MAML2: variants seen among roughly 807,000 people sequenced by gnomAD.
MAML2 encodes mastermind-like protein 2.
In MAML2, 22 loss-of-function variants were observed where a neutral mutation model predicts 96.1. The observed-to-expected ratio is 0.23, with a 90% CI of 0.16 to 0.33. The LOEUF (loss-of-function observed/expected upper bound fraction) is 0.33, where lower values mean the gene tolerates loss of function less well. Among genes scored for constraint, MAML2 ranks in the 10% least tolerant of loss-of-function variants. The pLI is 1.00. For missense variants in MAML2, 1,367 were observed against 1,392.4 expected, an observed-to-expected ratio of 0.98 and a Z score of 0.29; for synonymous variants, 561 against 521.3, an observed-to-expected ratio of 1.08 and a Z score of -1.04.
At chr11:96,151,082 C>T (rs542693384) in intron 1 of MAML2, among the ~76,000 whole-genome samples, 2 of 152,154 alleles carry the variant, frequency 1.3e-5, no homozygotes, top group South Asian at 4.1e-4. Context: ...AACACAAAAC[C>T]TTCTGTTGCT....
intron 2 of MAML2, among the ~76,000 whole-genome samples, chr11:95,997,448 G>A (rs2135714633): frequency 6.6e-6 from 1 of 152,240 alleles, no homozygotes; most frequent in East Asian, 1.9e-4. Context: ...ATGAAAACAT[G>A]TTTGTATTCT....
Position 96,192,942 on chromosome 11 carries a change from C to T in MAML2, c.514-99425G>A, listed in dbSNP as rs1010444816. Among the ~76,000 whole-genome samples, 3 of 152,274 alleles carry T rather than the reference C, an allele frequency of 2.0e-5. 1 individual carries two copies. Among genetic ancestry groups the T allele is most frequent in the East Asian group, 3.9e-4 (2 of 5,186 alleles). ...TTTTAAAATCAAAATTCTGGTGGAGCGTATGCCTTAAAATAATTTATTAGA... is the reference window on the plus strand; with the variant it reads ...TTTTAAAATCAAAATTCTGGTGGAGTGTATGCCTTAAAATAATTTATTAGA... On this transcript the variant is annotated intron_variant, in intron 1 of 4. Coordinates refer to ENST00000524717, the MANE Select transcript of MAML2 (RefSeq NM_032427.4).
At chr11:96,148,290 T>TG (rs751493045) in intron 1 of MAML2, among the ~76,000 whole-genome samples, 2 of 152,128 alleles carry the variant, frequency 1.3e-5, no homozygotes, top group Non-Finnish European at 2.9e-5. Flanking sequence ...TGATTTTCTT[T>TG]GGGGGGTTGT....
chr11:96,009,150 T>C (rs1394094310), intron 2 of MAML2, among the ~76,000 whole-genome samples: 1 of 152,204 alleles, frequency 6.6e-6, no homozygotes, highest in African/African-American at 2.4e-5. Flanking sequence ...ATATAGGTCA[T>C]ATGGAAGGAA....
In MAML2 at chr11:95,979,956, T is replaced by G. The variant is rs750924585; in HGVS notation, c.2463A>C (p.Ser821=). ...MQPTAQYSGG[S]STISLNSNQA... ...GGTTAGAGTTTAAGCTTATTGTGGA[T>G]GAGCCACCTGAGAAAAAGAAGAGAA... Residue 821 remains serine (S), a synonymous_variant, in exon 5 of 5, where the codon TCA becomes TCC. Transcript: ENST00000524717. The G allele has an allele frequency of 5.0e-6, 8 of 1,607,326 alleles. No individual in the cohort carries two copies. The South Asian group carries it at 8.9e-5, about 18-fold the overall frequency.
intron 1 of MAML2, among the ~76,000 whole-genome samples, chr11:96,203,115 C>T (rs1220529467): frequency 2.6e-5 from 4 of 152,100 alleles, no homozygotes; most frequent in Non-Finnish European, 5.9e-5. Flanking sequence ...ATAACCAAGC[C>T]TCCATATATT....
At chr11:96,266,988 C>T (rs1862838975) in intron 1 of MAML2, among the ~76,000 whole-genome samples, 1 of 152,170 alleles carries the variant, frequency 6.6e-6, no homozygotes, top group African/African-American at 2.4e-5. Context: ...AATAGGTCCA[C>T]AGATATTTTT....
At chr11:96,100,735 C>CTTTTTT (rs66593553) in intron 1 of MAML2, among the ~76,000 whole-genome samples, 3 of 136,158 alleles carry the variant, frequency 2.2e-5, no homozygotes, top group African/African-American at 5.6e-5. Context: ...GTCAAAATAG[C>CTTTTTT]TTTTTTTTTT....
At chr11:96,093,809 A>G (rs957758300) in intron 1 of MAML2, among the ~76,000 whole-genome samples, 1 of 152,164 alleles carries the variant, frequency 6.6e-6, no homozygotes, top group Non-Finnish European at 1.5e-5. Context: ...TCCTTCAAAT[A>G]TCATAAGAAG....
In MAML2 at chr11:96,112,932, G is replaced by A. The variant is rs558293584; in HGVS notation, c.514-19415C>T. ...AGAAACACTGGGGTTTCCCTTTCTG[G>A]TTGTGGGCTAAGCAAAAGTTCGCCC... is the stretch of plus-strand genomic sequence containing the variant. On this transcript the variant is annotated intron_variant, in intron 1 of 4. Transcript: ENST00000524717. Among the ~76,000 whole-genome samples, 93 of 152,322 alleles carry A rather than the reference G, an allele frequency of 6.1e-4. 1 individual carries two copies. Among genetic ancestry groups the A allele is most frequent in the African/African-American group, 2.1e-3 (86 of 41,570 alleles).
chr11:96,312,893 GAATC>G (rs1270736020), intron 1 of MAML2, among the ~76,000 whole-genome samples: 1 of 152,158 alleles, frequency 6.6e-6, no homozygotes, highest in African/African-American at 2.4e-5. Flanking sequence ...AGTTGTATTG[GAATC>G]TGAACTAGTC....
rs143971079 is a variant in MAML2 at position 96,101,480 on chromosome 11, G to C, written c.514-7963C>G. 3.6e-3 allele frequency among the ~76,000 whole-genome samples: 551 copies of C among 152,346 alleles called. 5 individuals are homozygous for C. Among genetic ancestry groups the C allele is most frequent in the Admixed American group, 6.5e-3 (99 of 15,306 alleles). ...CTCTTATCAAGACAAATGGGAAGCT[G>C]TGGGATCTAGAAAGAGCACAAGACT... On this transcript the variant is annotated intron_variant, in intron 1 of 4. Transcript: ENST00000524717.
chr11:96,125,495 T>C (rs917298963), intron 1 of MAML2, among the ~76,000 whole-genome samples: 1 of 152,154 alleles, frequency 6.6e-6, no homozygotes, highest in Non-Finnish European at 1.5e-5. Flanking sequence ...TCCTGACATC[T>C]GTGTACCCAG....
chr11:96,126,752 T>C (rs1452315350), intron 1 of MAML2, among the ~76,000 whole-genome samples: 2 of 152,144 alleles, frequency 1.3e-5, no homozygotes, highest in African/African-American at 2.4e-5. Flanking sequence ...AAAAACAATA[T>C]AAATCCAATT....
intron 1 of MAML2, among the ~76,000 whole-genome samples, chr11:96,148,198 CTCTT>C (rs576587209): frequency 1.0e-3 from 156 of 152,308 alleles, no homozygotes; most frequent in Non-Finnish European, 1.9e-3. Context: ...ATTGCCATGT[CTCTT>C]TCTTTCTTCA....
intron 1 of MAML2, among the ~76,000 whole-genome samples, chr11:96,225,889 C>T (rs145987753): frequency 1.0e-3 from 156 of 152,170 alleles, no homozygotes; most frequent in African/African-American, 3.6e-3. Flanking sequence ...CGAGCATTCT[C>T]ATTGTAGTTA....
intron 1 of MAML2, among the ~76,000 whole-genome samples, chr11:96,275,713 G>A (rs907668302): frequency 1.7e-4 from 26 of 152,048 alleles, no homozygotes; most frequent in Admixed American, 2.6e-4. Context: ...TTTTCCCTAA[G>A]TTAAACATTC....
chr11:96,198,058 T>C (rs968283098), intron 1 of MAML2, among the ~76,000 whole-genome samples: 1 of 152,150 alleles, frequency 6.6e-6, no homozygotes, highest in Non-Finnish European at 1.5e-5. Flanking sequence ...TGGAAAACCA[T>C]TGAAAAGGAT....
chr11:96,023,922 A>T (rs1393673974), intron 2 of MAML2, among the ~76,000 whole-genome samples: 1 of 152,238 alleles, frequency 6.6e-6, no homozygotes, highest in Non-Finnish European at 1.5e-5. Flanking sequence ...GGACAGAATC[A>T]TCTTAAAAAT....
Sources: gnomAD v4.1 joint callset for allele counts (sites outside exome capture counted in the v4.1 genomes callset) on GRCh38, gnomAD v4.1.1 for gene constraint, MANE v1.5 for transcripts, NCBI Gene and HGNC (gene_info 2026-07-23, HGNC 2026-07-21) for gene names.